DRC8: variants seen among roughly 807,000 people sequenced by gnomAD.
The protein encoded by DRC8 is dynein regulatory complex subunit 8.
At chr1:244,995,160 A>G in the DRC8 span, among the ~76,000 whole-genome samples, 1 of 152,184 alleles carries the variant, frequency 6.6e-6, no homozygotes, top group East Asian at 1.9e-4. Context: ...CAGGAGATCC[A>G]GACCATCCTG....
the DRC8 span, among the ~76,000 whole-genome samples, chr1:245,111,772 A>G: frequency 6.6e-6 from 1 of 152,286 alleles, no homozygotes; most frequent in East Asian, 1.9e-4. Context: ...ATAGTAGCTC[A>G]TGTCTGTAAT....
At chr1:245,111,243 CGTG>C in the DRC8 span, among the ~76,000 whole-genome samples, 1 of 152,188 alleles carries the variant, frequency 6.6e-6, no homozygotes, top group Non-Finnish European at 1.5e-5. Context: ...GGTCTGCACT[CGTG>C]GGCACTGAGT....
chr1:245,078,518 C>T, the DRC8 span, among the ~76,000 whole-genome samples: 1 of 152,032 alleles, frequency 6.6e-6, no homozygotes, highest in Admixed American at 6.6e-5. Context: ...GGAGGTCCTG[C>T]TATTTGCAAC....
chr1:245,091,463 A>T, the DRC8 span: 1 of 152,264 alleles, frequency 6.6e-6, no homozygotes, highest in Non-Finnish European at 1.5e-5. Context: ...TTGATGATCA[A>T]GTGATGACAT....
chr1:245,091,959 G>A, the DRC8 span, among the ~76,000 whole-genome samples: 1 of 152,196 alleles, frequency 6.6e-6, no homozygotes, highest in Non-Finnish European at 1.5e-5. Context: ...CCTGGCTTCC[G>A]CAGAGCCTGC....
the DRC8 span, among the ~76,000 whole-genome samples, chr1:245,106,478 A>T: frequency 6.6e-6 from 1 of 151,968 alleles, no homozygotes; most frequent in Non-Finnish European, 1.5e-5. Context: ...TAACATTTAC[A>T]ACCATTTAAA....
At chr1:245,045,282 T>G in the DRC8 span, among the ~76,000 whole-genome samples, 1 of 152,238 alleles carries the variant, frequency 6.6e-6, no homozygotes, top group East Asian at 1.9e-4. Flanking sequence ...AGTGCTGGGA[T>G]CACAGGTGTG....
At chr1:245,081,028 A>G in the DRC8 span, among the ~76,000 whole-genome samples, 2 of 151,990 alleles carry the variant, frequency 1.3e-5, no homozygotes, top group Admixed American at 1.3e-4. Context: ...CCTTCTACTC[A>G]TACTCTCTAA....
the DRC8 span, among the ~76,000 whole-genome samples, chr1:245,018,386 T>G: frequency 6.6e-6 from 1 of 152,032 alleles, no homozygotes; most frequent in Non-Finnish European, 1.5e-5. Context: ...AAGGAACTGT[T>G]TGATGCTTAT....
chr1:245,037,575 A>G, the DRC8 span, among the ~76,000 whole-genome samples: 1 of 152,218 alleles, frequency 6.6e-6, no homozygotes, highest in Non-Finnish European at 1.5e-5. Flanking sequence ...AGATAAAGAT[A>G]TCCGCATTTG....
the DRC8 span, among the ~76,000 whole-genome samples, chr1:245,046,045 T>A: frequency 6.6e-6 from 1 of 152,210 alleles, no homozygotes; most frequent in Non-Finnish European, 1.5e-5. Context: ...TGCCTCAGCC[T>A]GGCCTAAAAG....
At chr1:245,097,685 G>A in the DRC8 span, among the ~76,000 whole-genome samples, 1 of 152,036 alleles carries the variant, frequency 6.6e-6, no homozygotes, top group Non-Finnish European at 1.5e-5. This position sits in a 1 kb window ranked among gnomAD's most constrained non-coding sequence, Gnocchi z 5.0. Flanking sequence ...GAAAAATGAA[G>A]CAGGATAAGG....
chr1:244,971,958 C>CCA, the DRC8 span, among the ~76,000 whole-genome samples: 1 of 107,246 alleles, frequency 9.3e-6, no homozygotes, highest in Admixed American at 9.9e-5. Flanking sequence ...TGTTCTTTAC[C>CCA]AAAAAAAAAA....
the DRC8 span, among the ~76,000 whole-genome samples, chr1:245,084,948 C>T: frequency 3.3e-5 from 5 of 152,162 alleles, no homozygotes; most frequent in Admixed American, 6.5e-5. Context: ...GGGGATGTTA[C>T]GACTTTCAAA....
At chr1:245,059,342 C>T in the DRC8 span, 49 of 1,473,170 alleles carry the variant, frequency 3.3e-5, no homozygotes, top group East Asian at 1.8e-4. Flanking sequence ...CTGGCCTTTT[C>T]GGAGTTTATA....
At chr1:245,059,415 G>T in the DRC8 span, 14 of 1,612,122 alleles carry the variant, frequency 8.7e-6, no homozygotes, top group Non-Finnish European at 1.2e-5. Flanking sequence ...AGGTCATTAG[G>T]ATGCTGTCCT....
the DRC8 span, among the ~76,000 whole-genome samples, chr1:245,118,487 C>T: frequency 3.3e-3 from 495 of 152,222 alleles, 7 homozygotes; most frequent in African/African-American, 0.011. Context: ...GAAGATACTA[C>T]GTGCTGTAAA....
chr1:245,074,337 C>G, the DRC8 span, among the ~76,000 whole-genome samples: 5 of 152,164 alleles, frequency 3.3e-5, no homozygotes, highest in African/African-American at 1.2e-4. Context: ...ACACTTGCTG[C>G]AATCACCATC....
chr1:245,005,465 C>T, the DRC8 span, among the ~76,000 whole-genome samples: 2 of 151,844 alleles, frequency 1.3e-5, no homozygotes, highest in Non-Finnish European at 2.9e-5. Flanking sequence ...TTTCTCATGC[C>T]TCAGCCTCCT....
Sources: gnomAD v4.1 joint callset for allele counts (sites outside exome capture counted in the v4.1 genomes callset) on GRCh38, gnomAD v4.1.1 for gene constraint, Gnocchi (gnomAD v3.1) non-coding constraint, MANE v1.5 for transcripts, NCBI Gene and HGNC (gene_info 2026-07-23, HGNC 2026-07-21) for gene names.